The following ORM2 variants were observed in gnomAD, a reference collection of about 807,000 sequenced individuals.
ORM2 encodes alpha-1-acid glycoprotein 2.
A neutral mutation model predicts 26.8 loss-of-function variants in ORM2; 19 were observed. That is an observed-to-expected ratio of 0.71 (90% CI 0.49 to 1.04). The LOEUF is 1.04. Ranked by LOEUF, ORM2 falls within the 50% of genes least tolerant of loss-of-function variation. The pLI, the probability that ORM2 is intolerant of heterozygous loss-of-function variation, is 0.00. For missense variants in ORM2, 259 were observed against 244.9 expected (o/e 1.06, Z -0.39); for synonymous variants, 94 against 100.0 (o/e 0.94, Z 0.36).
At chr9:114,331,715 G>T in intron 4 of ORM2, 41 bp downstream of exon 4, 1 of 1,593,298 alleles carries the variant, frequency 6.3e-7, no homozygotes, top group Non-Finnish European at 8.6e-7. Context: ...CCCCTCTCAG[G>T]CCTCACCCCC....
chr9:114,331,975 C>G, intron 5 of ORM2, 46 bp downstream of exon 5: 3 of 1,543,122 alleles, frequency 1.9e-6, no homozygotes, highest in Non-Finnish European at 2.7e-6. Context: ...CATGGCCCAA[C>G]TTGGGCAGCC....
At chr9:114,330,757 T>A in intron 2 of ORM2, 35 bp from the exon 3 acceptor site, 2 of 1,609,086 alleles carry the variant, frequency 1.2e-6, no homozygotes, top group Non-Finnish European at 1.7e-6. Context: ...CTCGATAACA[T>A]TACTGTTTTT....
chr9:114,331,531 C>T (rs1829850715), intron 3 of ORM2, 36 bp from the exon 4 acceptor site: 1 of 1,543,918 alleles, frequency 6.5e-7, no homozygotes, highest in Admixed American at 1.7e-5. Flanking sequence ...TTGTGCCATC[C>T]CATGTTCTCA....
intron 3 of ORM2, among the ~76,000 whole-genome samples, 164 bp downstream of exon 3, chr9:114,331,026 TGAGA>T (rs911947750): frequency 3.9e-5 from 6 of 151,972 alleles, no homozygotes; most frequent in African/African-American, 2.4e-5. Flanking sequence ...AAGAAGACAC[TGAGA>T]GAATTAGATG....
intron 3 of ORM2, among the ~76,000 whole-genome samples, chr9:114,331,087 C>G (rs1391516075): frequency 1.3e-5 from 2 of 152,086 alleles, no homozygotes; most frequent in African/African-American, 4.8e-5. Flanking sequence ...CAAGGTCACA[C>G]AGCTTATAAT....
intron 5 of ORM2, 31 bp downstream of exon 5, chr9:114,331,960 T>C (rs759661962): frequency 1.3e-6 from 2 of 1,591,656 alleles, no homozygotes; most frequent in South Asian, 2.2e-5. Flanking sequence ...AGTGCCCACC[T>C]TGTCCATGGC....
intron 3 of ORM2, among the ~76,000 whole-genome samples, chr9:114,331,291 A>G (rs1334708371): frequency 6.6e-6 from 1 of 152,080 alleles, no homozygotes; most frequent in Non-Finnish European, 1.5e-5. Flanking sequence ...TAGCATCCCG[A>G]GCCTCCTCTC....
At chr9:114,331,953 G>A (rs771061387) in intron 5 of ORM2, 24 bp downstream of exon 5, 6 of 1,605,940 alleles carry the variant, frequency 3.7e-6, no homozygotes, top group Non-Finnish European at 5.1e-6. Context: ...ATTGGACAGT[G>A]CCCACCTTGT....
chr9:114,330,507 A>G lies in ORM2; in HGVS notation c.188A>G (p.Gln63Arg). 5 of 1,611,898 alleles carry G rather than the reference A, an allele frequency of 3.1e-6. No individual in the cohort carries two copies. Among genetic ancestry groups the G allele is most frequent in the Non-Finnish European group, 4.2e-6 (5 of 1,179,812 alleles). The change falls in exon 2 of 6, where the codon CAA becomes CGA. Residue 63 changes from glutamine (Q) to arginine (R), a missense_variant. This residue lies in a region of ORM2 where 251 missense variants were observed against 220.5 expected (regional missense o/e 1.14). Coordinates refer to ENST00000431067, the MANE Select transcript of ORM2 (RefSeq NM_000608.4). Reference sequence around the variant, plus strand: ...TACAATAAGTCGGTTCAGGAGATCCAAGCAACCTTCTTTTACTTTACCCCC... The same window carrying G: ...TACAATAAGTCGGTTCAGGAGATCCGAGCAACCTTCTTTTACTTTACCCCC... ...EEYNKSVQEI[Q>R]ATFFYFTPNK... is the part of the protein sequence containing the mutation.
In ORM2 at chr9:114,331,607, G is replaced by C. The variant is rs1384357022; in HGVS notation, c.369G>C (p.Arg123Ser). Residue 123 changes from arginine to serine, a missense_variant, in exon 4 of 6, where the codon AGG becomes AGC. This residue lies in a region of ORM2 where 251 missense variants were observed against 220.5 expected (regional missense o/e 1.14). Coordinates refer to ENST00000431067, the MANE Select transcript of ORM2 (RefSeq NM_000608.4). ...REHVAHLLFL[R>S]DTKTLMFGSY... ...ATGTTGCTCACCTGCTGTTCCTTAGGGACACCAAGACCTTGATGTTTGGTT... is the reference window on the plus strand; with the variant it reads ...ATGTTGCTCACCTGCTGTTCCTTAGCGACACCAAGACCTTGATGTTTGGTT... The C allele has an allele frequency of 2.5e-6, 4 of 1,613,850 alleles. No individual in the cohort carries two copies. In the African/African-American group the frequency reaches 5.3e-5, roughly 22 times the overall value.
chr9:114,331,310 A>G (rs1829847087), intron 3 of ORM2, among the ~76,000 whole-genome samples: 1 of 152,092 alleles, frequency 6.6e-6, no homozygotes, highest in Non-Finnish European at 1.5e-5. Context: ...TCTGGGCCTC[A>G]TTTTCCTCCT....
chr9:114,332,010 G>C (rs1468145858), intron 5 of ORM2, 81 bp downstream of exon 5: 26 of 1,266,440 alleles, frequency 2.1e-5, no homozygotes, highest in Non-Finnish European at 2.9e-5. Flanking sequence ...CAGGAAAGCT[G>C]CCAGGCAAGG....
Position 114,330,818 on chromosome 9 carries a change from G to A in ORM2, c.284G>A (p.Ser95Asn). The part of the protein sequence containing the change: ...TRQNQCFYNS[S>N]YLNVQRENGT... ...CAGAACCAGTGCTTCTATAACTCCA[G>A]TTACCTGAATGTCCAGCGGGAGAAT... The change falls in exon 3 of 6, where the codon AGT becomes AAT. Residue 95 changes from serine to asparagine, a missense_variant. Coordinates refer to ENST00000431067, the MANE Select transcript of ORM2 (RefSeq NM_000608.4). 6.2e-7 allele frequency: 1 copy of A among 1,613,910 alleles called. No homozygotes were observed. The highest frequency in any genetic ancestry group is 8.5e-7 in the Non-Finnish European group (1 of 1,179,964).
At chr9:114,331,455 G>A (rs1829849666) in intron 3 of ORM2, 112 bp from the exon 4 acceptor site, 1 of 821,604 alleles carries the variant, frequency 1.2e-6, no homozygotes. Context: ...GGAGACCCGG[G>A]CCTTCACTGA....
At chr9:114,331,970 C>G (rs1336003258) in intron 5 of ORM2, 41 bp downstream of exon 5, 1 of 1,575,388 alleles carries the variant, frequency 6.3e-7, no homozygotes, top group Non-Finnish European at 8.7e-7. Flanking sequence ...TTGTCCATGG[C>G]CCAACTTGGG....
intron 3 of ORM2, 122 bp downstream of exon 3, chr9:114,330,984 G>C: frequency 1.3e-6 from 1 of 760,578 alleles, no homozygotes; most frequent in East Asian, 2.5e-5. Flanking sequence ...TAACATTTTT[G>C]AGCTCTTACC....
At chr9:114,331,512 C>G in intron 3 of ORM2, 55 bp from the exon 4 acceptor site, 1 of 1,414,492 alleles carries the variant, frequency 7.1e-7, no homozygotes, top group Non-Finnish European at 1.0e-6. Context: ...ACCTGTAAGA[C>G]AGGCACCATT....
intron 3 of ORM2, 78 bp downstream of exon 3, chr9:114,330,940 G>C: frequency 8.4e-7 from 1 of 1,190,606 alleles, no homozygotes; most frequent in Non-Finnish European, 1.2e-6. Context: ...TGGATGTAGA[G>C]CCCTGGAGGC....
At chr9:114,330,752 T>G (rs1319782546) in intron 2 of ORM2, 40 bp from the exon 3 acceptor site, 1 of 1,608,030 alleles carries the variant, frequency 6.2e-7, no homozygotes, top group Non-Finnish European at 8.5e-7. Context: ...TTCTCCTCGA[T>G]AACATTACTG....
Sources: gnomAD v4.1 joint callset for allele counts (sites outside exome capture counted in the v4.1 genomes callset) on GRCh38, gnomAD v4.1.1 for gene constraint, gnomAD v4.1.1 regional missense constraint, MANE v1.5 for transcripts, NCBI Gene and HGNC (gene_info 2026-07-23, HGNC 2026-07-21) for gene names.